Variants in GNA14 observed in about 807,000 individuals in gnomAD.
GNA14 encodes the protein guanine nucleotide-binding protein subunit alpha-14.
In GNA14, 50 loss-of-function variants were observed where a neutral mutation model predicts 42.0. The observed-to-expected ratio is 1.19, with a 90% confidence interval of 0.95 to 1.51. The LOEUF (loss-of-function observed/expected upper bound fraction) is 1.51, where lower values mean the gene tolerates loss of function less well. Ranked by LOEUF, GNA14 falls within the 40% of genes most tolerant of loss-of-function variation. GNA14 has a pLI of 0.00. For missense variants in GNA14, 473 were observed against 446.2 expected, an observed-to-expected ratio of 1.06 and a Z score of -0.54; for synonymous variants, 173 against 163.1, an observed-to-expected ratio of 1.06 and a Z score of -0.46.
At chr9:77,625,415 A>G (rs1587852756) in intron 1 of GNA14, among the ~76,000 whole-genome samples, 1 of 152,292 alleles carries the variant, frequency 6.6e-6, no homozygotes, top group Middle Eastern at 3.4e-3. Flanking sequence ...AAGATACTCA[A>G]GAAGAGCAAC....
intron 1 of GNA14, among the ~76,000 whole-genome samples, chr9:77,603,825 A>G (rs370055821): frequency 1.5e-3 from 228 of 151,644 alleles, no homozygotes; most frequent in African/African-American, 4.6e-3. Flanking sequence ...ATAATTAGCC[A>G]GGCGTGGTGG....
At chr9:77,584,762 A>C (rs987500719) in intron 1 of GNA14, among the ~76,000 whole-genome samples, 2 of 150,208 alleles carry the variant, frequency 1.3e-5, no homozygotes, top group African/African-American at 4.9e-5. Context: ...GAGCAGACTC[A>C]AGGGCTGCTG....
Position 77,647,721 on chromosome 9 carries a change from G to A in GNA14, c.73C>T (p.Leu25Phe), listed in dbSNP as rs1282497841. The change falls in exon 1 of 7, where the codon CTT becomes TTT. Residue 25 changes from leucine (L) to phenylalanine (F), a missense_variant. Coordinates refer to ENST00000341700, the MANE Select transcript of GNA14 (RefSeq NM_004297.4). ...QRISAEIERQLRRDKKDARRE... is the reference protein window; with the variant it reads ...QRISAEIERQFRRDKKDARRE... ...CGCGCGTCCTTCTTGTCCCGACGAA[G>A]CTGTCGCTCGATCTCCGCGCTGATG... is the stretch of plus-strand genomic sequence containing the variant. The A allele has an allele frequency of 3.1e-6, 5 of 1,610,274 alleles. No homozygotes were observed. The highest frequency in any genetic ancestry group is 1.7e-4 in the Middle Eastern group (1 of 6,060).
chr9:77,630,927 C>T (rs1302279157), intron 1 of GNA14, among the ~76,000 whole-genome samples: 2 of 152,172 alleles, frequency 1.3e-5, no homozygotes, highest in African/African-American at 2.4e-5. Context: ...ATCCTATACC[C>T]TTCCCCCAAC....
intron 1 of GNA14, among the ~76,000 whole-genome samples, chr9:77,613,627 G>T (rs928414380): frequency 6.6e-6 from 1 of 152,162 alleles, no homozygotes; most frequent in African/African-American, 2.4e-5. Context: ...GGTTACACAG[G>T]TATCTACTTT....
Position 77,647,709 on chromosome 9 carries a change from T to A in GNA14, c.85A>T (p.Lys29Ter), listed in dbSNP as rs1182659475. 2.5e-6 allele frequency: 4 copies of A among 1,610,310 alleles called. No individual in the cohort carries two copies. The highest frequency in any genetic ancestry group is 3.4e-6 in the Non-Finnish European group (4 of 1,178,732). ...AEIERQLRRD[K>*]KDARRELKLL... ...TTAAGCTCACGGCGCGCGTCCTTCT[T>A]GTCCCGACGAAGCTGTCGCTCGATC... Residue 29 changes from lysine (K) to a stop codon, truncating the protein, a stop_gained, in exon 1 of 7, where the codon AAG (lysine) becomes TAG (stop). Coordinates refer to ENST00000341700, the MANE Select transcript of GNA14 (RefSeq NM_004297.4). LOFTEE classifies it high-confidence loss of function.
chr9:77,534,410 T>G (rs767689588), intron 1 of GNA14, among the ~76,000 whole-genome samples: 1 of 152,212 alleles, frequency 6.6e-6, no homozygotes. Context: ...AACATAAATC[T>G]TTCCCAAGTG....
At chr9:77,530,916 GT>G (rs1254746956) in intron 1 of GNA14, among the ~76,000 whole-genome samples, 1 of 152,242 alleles carries the variant, frequency 6.6e-6, no homozygotes. Context: ...ACAAGCCAAG[GT>G]TGGGTGCAGA....
chr9:77,631,701 A>G (rs1483195953), intron 1 of GNA14, among the ~76,000 whole-genome samples: 1 of 151,816 alleles, frequency 6.6e-6, no homozygotes, highest in East Asian at 1.9e-4. Flanking sequence ...AGTTTATTCA[A>G]TTTAAAGTGT....
At chr9:77,445,376 A>T (rs1216759103) in intron 2 of GNA14, among the ~76,000 whole-genome samples, 1 of 152,002 alleles carries the variant, frequency 6.6e-6, no homozygotes, top group African/African-American at 2.4e-5. Flanking sequence ...ACACCCTCCA[A>T]ACAAGGAATG....
At chr9:77,463,106 C>T (rs933735766) in intron 2 of GNA14, among the ~76,000 whole-genome samples, 2 of 152,164 alleles carry the variant, frequency 1.3e-5, no homozygotes, top group African/African-American at 2.4e-5. Context: ...GCTGCGAATG[C>T]GAAGGGCACC....
chr9:77,589,308 C>A (rs1029876331), intron 1 of GNA14, among the ~76,000 whole-genome samples: 1 of 152,190 alleles, frequency 6.6e-6, no homozygotes, highest in African/African-American at 2.4e-5. Context: ...TGACTTTCTG[C>A]GTCAACCAAA....
At chr9:77,622,342 T>C (rs1684878627) in intron 1 of GNA14, among the ~76,000 whole-genome samples, 1 of 152,082 alleles carries the variant, frequency 6.6e-6, no homozygotes, top group Non-Finnish European at 1.5e-5. Flanking sequence ...GAATAAGAAA[T>C]ATTGGTCGTG....
At chr9:77,566,506 G>A (rs1263599755) in intron 1 of GNA14, among the ~76,000 whole-genome samples, 1 of 152,140 alleles carries the variant, frequency 6.6e-6, no homozygotes, top group Non-Finnish European at 1.5e-5. Flanking sequence ...CTGTGCTTTT[G>A]AAATGTTCAT....
intron 1 of GNA14, among the ~76,000 whole-genome samples, chr9:77,634,754 AATTCTTT>A (rs2118015586): frequency 6.6e-6 from 1 of 152,338 alleles, no homozygotes; most frequent in African/African-American, 2.4e-5. Flanking sequence ...TACTGTAAGG[AATTCTTT>A]ATACTACTCA....
At chr9:77,458,357 T>C (rs570075222) in intron 2 of GNA14, among the ~76,000 whole-genome samples, 1 of 152,158 alleles carries the variant, frequency 6.6e-6, no homozygotes, top group Non-Finnish European at 1.5e-5. Flanking sequence ...AAGCAGTGGA[T>C]GTTCTGTCTG....
At chr9:77,444,158 A>G (rs1181239991) in intron 2 of GNA14, among the ~76,000 whole-genome samples, 1 of 152,140 alleles carries the variant, frequency 6.6e-6, no homozygotes, top group Non-Finnish European at 1.5e-5. Context: ...AGAATGCCCC[A>G]CCATGTTTGG....
In GNA14 at chr9:77,637,494, T is replaced by C. The variant is rs191828825; in HGVS notation, c.124+10176A>G. ...AAACCACATATGGAAGGAATTTCTATATCTTATCAGCAACCCTATAATTTT... is the reference window on the plus strand; with the variant it reads ...AAACCACATATGGAAGGAATTTCTACATCTTATCAGCAACCCTATAATTTT... On this transcript the variant is annotated intron_variant, in intron 1 of 6. Transcript: ENST00000341700. Among the ~76,000 whole-genome samples the C allele has an allele frequency of 3.2e-4, 48 of 152,380 alleles. No homozygotes were observed. The East Asian group carries it at 7.7e-3, about 24-fold the overall frequency.
At chr9:77,517,927 T>C (rs890886816) in intron 2 of GNA14, 6 of 152,036 alleles carry the variant, frequency 3.9e-5, no homozygotes, top group Non-Finnish European at 8.8e-5. Flanking sequence ...TTTTTTAATA[T>C]GTCTGAAAAG....
Sources: allele counts gnomAD v4.1 joint callset (sites outside exome capture counted in the v4.1 genomes callset), GRCh38; gene constraint gnomAD v4.1.1; transcripts MANE v1.5; gene names NCBI Gene and HGNC (gene_info 2026-07-23, HGNC 2026-07-21).